The following SUN1 variants were observed in gnomAD, a reference collection of about 807,000 sequenced individuals.
SUN1 encodes Sad1 and UNC84 domain containing 1, also known as SUN domain-containing protein 1.
Under a neutral mutation model 103.2 loss-of-function variants are expected in SUN1, and 61 were observed. That is an observed-to-expected ratio of 0.59 (90% CI 0.48 to 0.73). SUN1 has a LOEUF of 0.73. Ranked by LOEUF, SUN1 falls within the 30% of genes least tolerant of loss-of-function variation. The pLI, the probability that SUN1 is intolerant of heterozygous loss-of-function variation, is 0.00. For missense variants in SUN1, 1,052 were observed against 1,034.6 expected (o/e 1.02, Z -0.23); for synonymous variants, 490 against 425.7 (o/e 1.15, Z -1.86).
At chr7:838,695 GA>G in intron 1 of SUN1, 102 bp from the exon 2 acceptor site, 1 of 1,234,022 alleles carries the variant, frequency 8.1e-7, no homozygotes, top group Non-Finnish European at 1.1e-6. Context: ...AGTTGCTCTT[GA>G]AAATCCACAG....
intron 14 of SUN1, among the ~76,000 whole-genome samples, chr7:860,854 C>T (rs759000085): frequency 5.9e-5 from 9 of 152,110 alleles, no homozygotes; most frequent in Non-Finnish European, 7.3e-5. Flanking sequence ...AGAGTGTATG[C>T]GAGGGAACTC....
intron 17 of SUN1, among the ~76,000 whole-genome samples, chr7:870,411 G>C (rs1192189584): frequency 6.6e-6 from 1 of 151,938 alleles, no homozygotes; most frequent in Non-Finnish European, 1.5e-5. Flanking sequence ...CCAAAATGGT[G>C]AAACCCTGTC....
rs544179098 is a variant in SUN1, at chr7:825,642, T to G, written c.-74+8969T>G. Among the ~76,000 whole-genome samples, 9 of 152,346 alleles carry G rather than the reference T, an allele frequency of 5.9e-5. No homozygotes were observed. In the South Asian group the frequency reaches 1.7e-3, roughly 28 times the overall value. On this transcript the variant is annotated intron_variant, in intron 1 of 17. Transcript: ENST00000389574. Reference sequence around the variant, plus strand: ...CATTTTTAAGGATTCTCAGTCAGGGTAAATCATCCGGTTTTCATAAACCAA... The same window carrying G: ...CATTTTTAAGGATTCTCAGTCAGGGGAAATCATCCGGTTTTCATAAACCAA...
intron 1 of SUN1, among the ~76,000 whole-genome samples, chr7:817,813 C>G (rs890387568): frequency 6.6e-6 from 1 of 152,118 alleles, no homozygotes; most frequent in Non-Finnish European, 1.5e-5. Flanking sequence ...ATTTCCTTTT[C>G]TTTGTTTACC....
chr7:838,940 G>C lies in SUN1; in HGVS notation c.220G>C (p.Asp74His). 6.2e-7 allele frequency: 1 copy of C among 1,609,166 alleles called. No individual in the cohort carries two copies. Among genetic ancestry groups the C allele is most frequent in the African/African-American group, 1.3e-5 (1 of 74,996 alleles). ...GGGGGATGGTGAGGCTGTGGGTGCC[G>C]ACAGCGGCACCAGCAGCGCTGTCTC... is the stretch of plus-strand genomic sequence containing the variant. ...TLGDGEAVGA[D>H]SGTSSAVSLK... The change falls in exon 2 of 19, where the codon GAC (aspartate) becomes CAC (histidine). Residue 74 changes from aspartate to histidine, a missense_variant. By Grantham distance (81) the Asp-to-His change is moderately conservative (BLOSUM62 -1). Around this residue, in one of 2 missense-constraint regions of SUN1, gnomAD observed 846 missense variants for 774.5 expected, o/e 1.09. Coordinates refer to ENST00000401592, the MANE Select transcript of SUN1 (RefSeq NM_001130965.3).
chr7:816,864 C>T (rs908973245), intron 1 of SUN1: 2 of 150,732 alleles, frequency 1.3e-5, no homozygotes, highest in African/African-American at 4.8e-5. Flanking sequence ...CTACCCCGGC[C>T]CGCGCAGGTG....
At chr7:862,706 C>G (rs1833130182) in intron 15 of SUN1, among the ~76,000 whole-genome samples, 1 of 152,170 alleles carries the variant, frequency 6.6e-6, no homozygotes, top group African/African-American at 2.4e-5. Context: ...TACCTCAGAA[C>G]ACTGGTAATC....
At chr7:852,382 C>T (rs1823043821) in intron 7 of SUN1, 1 of 620,672 alleles carries the variant, frequency 1.6e-6, no homozygotes, top group Non-Finnish European at 2.8e-6. Flanking sequence ...CTCAGGGTAG[C>T]TCAGGCCATT....
upstream of SUN1, among the ~76,000 whole-genome samples, chr7:830,386 C>T (rs989358389): frequency 5.3e-5 from 8 of 152,118 alleles, no homozygotes; most frequent in African/African-American, 1.7e-4. Context: ...TGTCATTACG[C>T]GGGGACTGCA....
Position 852,037 on chromosome 7 carries a change from T to C in SUN1, c.845T>C (p.Leu282Pro), listed in dbSNP as rs1189930991. The C allele has an allele frequency of 3.1e-6, 5 of 1,614,130 alleles. No individual in the cohort carries two copies. Among genetic ancestry groups the C allele is most frequent in the Non-Finnish European group, 4.2e-6 (5 of 1,179,952 alleles). Residue 282 changes from leucine to proline, a missense_variant, in exon 7 of 19, where the codon CTT (leucine) becomes CCT (proline). By Grantham distance (98) the Leu-to-Pro change is moderately conservative (BLOSUM62 -3). Transcript: ENST00000401592. ...ATTTCTTGGCTGAATGTGTTTCTTCTTACCAGGTAAGGAAATGGATATCAT... is the reference window on the plus strand; with the variant it reads ...ATTTCTTGGCTGAATGTGTTTCTTCCTACCAGGTAAGGAAATGGATATCAT... ...TLISWLNVFL[L>P]TRCLRNICKF...
chr7:837,740 G>T (rs576525593), intron 1 of SUN1, among the ~76,000 whole-genome samples: 1 of 152,202 alleles, frequency 6.6e-6, no homozygotes, highest in Non-Finnish European at 1.5e-5. Context: ...GCCAGCATCC[G>T]TGTCCTCCTG....
At chr7:870,887 CTTTT>C (rs59711259) in intron 17 of SUN1, among the ~76,000 whole-genome samples, 2 of 101,082 alleles carry the variant, frequency 2.0e-5, no homozygotes, top group Non-Finnish European at 3.8e-5. Context: ...TATTTTCTTT[CTTTT>C]TTTTTTTTTT....
chr7:833,450 A>G (rs1799805079), intron 1 of SUN1, among the ~76,000 whole-genome samples: 2 of 151,998 alleles, frequency 1.3e-5, no homozygotes, highest in Admixed American at 1.3e-4. Context: ...AGCTGGGATT[A>G]CAGACGTGCG....
rs540173066 is a variant in SUN1 at position 865,442 on chromosome 7, C to T, written c.1865-510C>T. ...CACTGTTTTTTATGGCTGAATAGTA[C>T]TCCATTGTGTATATGTACGCCATTT... On this transcript the variant is annotated intron_variant, in intron 15 of 18. Coordinates refer to ENST00000401592, the MANE Select transcript of SUN1 (RefSeq NM_001130965.3). Among the ~76,000 whole-genome samples, 59 of 152,244 alleles carry T rather than the reference C, an allele frequency of 3.9e-4. 2 individuals are homozygous for T. Among genetic ancestry groups the T allele is most frequent in the African/African-American group, 1.3e-3 (56 of 41,542 alleles).
intron 14 of SUN1, 62 bp from the exon 15 acceptor site, chr7:861,318 A>G (rs1383685045): frequency 3.8e-5 from 60 of 1,571,778 alleles, no homozygotes; most frequent in Non-Finnish European, 5.1e-5. Context: ...CCATGGCACT[A>G]AAACCCACGT....
upstream of SUN1, among the ~76,000 whole-genome samples, chr7:828,487 G>A (rs1043993050): frequency 6.6e-6 from 1 of 152,060 alleles, no homozygotes; most frequent in Non-Finnish European, 1.5e-5. Flanking sequence ...GGCCCCGCTG[G>A]CCTCGAACTC....
At position 843,200 on chromosome 7, in the gene SUN1, T is replaced by A; in HGVS notation, c.452-6T>A. On this transcript the variant is annotated splice_polypyrimidine_tract_variant and splice_region_variant and intron_variant, in intron 3 of 18. Transcript: ENST00000401592. ...AATGTGTGTGTGTGTGTGTTTTTTT[T>A]TTTAGGTCTTGATGATGATGGTGAT... 1 of 1,608,680 alleles carries A rather than the reference T, an allele frequency of 6.2e-7. No individual in the cohort carries two copies.
At chr7:821,215 G>A (rs1283497623) in intron 1 of SUN1, among the ~76,000 whole-genome samples, 1 of 135,000 alleles carries the variant, frequency 7.4e-6, no homozygotes, top group Admixed American at 8.4e-5. Flanking sequence ...TGTCGCCCAG[G>A]CTGGAGTGCA....
chr7:840,787 G>A (rs1808873440), intron 2 of SUN1, among the ~76,000 whole-genome samples: 2 of 145,646 alleles, frequency 1.4e-5, no homozygotes, highest in African/African-American at 2.6e-5. Context: ...GACTACAGGT[G>A]CCCGCCACCA....
Sources: gnomAD v4.1 joint callset for allele counts (sites outside exome capture counted in the v4.1 genomes callset) on GRCh38, gnomAD v4.1.1 for gene constraint, gnomAD v4.1.1 regional missense constraint, MANE v1.5 for transcripts, NCBI Gene and HGNC (gene_info 2026-07-23, HGNC 2026-07-21) for gene names.